ANKRD13C: variants seen among roughly 807,000 people sequenced by gnomAD.
ANKRD13C encodes ankyrin repeat domain 13C, also known as ankyrin repeat domain-containing protein 13C.
In ANKRD13C, 16 loss-of-function variants were observed where a neutral mutation model predicts 65.5. The ratio of observed to expected loss-of-function variants is 0.24; its 90% CI spans 0.17 to 0.37. The LOEUF (loss-of-function observed/expected upper bound fraction) is 0.37, where lower values mean the gene tolerates loss of function less well. Among genes scored for constraint, ANKRD13C ranks in the 10% least tolerant of loss-of-function variants. The pLI is 1.00. For missense variants in ANKRD13C, 503 were observed against 655.9 expected, an observed-to-expected ratio of 0.77 and a Z score of 2.55; for synonymous variants, 235 against 238.7, an observed-to-expected ratio of 0.98 and a Z score of 0.14.
At chr1:70,303,621 T>C (rs1680469087) in intron 6 of ANKRD13C, among the ~76,000 whole-genome samples, 1 of 152,222 alleles carries the variant, frequency 6.6e-6, no homozygotes. Context: ...ACTAAAGTAT[T>C]AGTTTCTCTT....
In ANKRD13C at chr1:70,262,568, C is replaced by T; in HGVS notation, c.*149G>A. 1.3e-6 allele frequency: 1 copy of T among 795,848 alleles called. No homozygotes were observed. The highest frequency in any genetic ancestry group is 1.8e-6 in the Non-Finnish European group (1 of 542,220). 49.3% of individuals were successfully genotyped at this position (795,848 alleles called of 1,614,324 possible). ...AACTCGCTGAAATTCTTATTAGAGG[C>T]CCATTTCACTGTATCGTATTACTGA... On this transcript the variant is annotated 3_prime_UTR_variant, in exon 13 of 13. Transcript: ENST00000370944.
In ANKRD13C at chr1:70,315,519, CA is replaced by C; in HGVS notation, c.624del (p.Glu209LysfsTer8). 6.2e-7 allele frequency: 1 copy of C among 1,608,442 alleles called. No individual in the cohort carries two copies. The highest frequency in any genetic ancestry group is 2.2e-5 in the East Asian group (1 of 44,718). On this transcript the variant is annotated frameshift_variant, in exon 4 of 13. Coordinates refer to ENST00000370944, the MANE Select transcript of ANKRD13C (RefSeq NM_030816.5). LOFTEE classifies it high-confidence loss of function. ...RKLKQQSRES[V>X]EEKRPRLLKA... is the part of the protein sequence containing the mutation. ...TTTAATAATCGAGGTCGTTTTTCTTCAACACTTTCCCTGGATTGCTGCTTAA... is the reference window on the plus strand; with the variant it reads ...TTTAATAATCGAGGTCGTTTTTCTTCACACTTTCCCTGGATTGCTGCTTAA...
intron 9 of ANKRD13C, among the ~76,000 whole-genome samples, chr1:70,286,958 C>A (rs980251853): frequency 8.6e-5 from 13 of 151,928 alleles, no homozygotes; most frequent in Admixed American, 7.9e-4. Flanking sequence ...GCACTCCAGC[C>A]TGGGGGATAG....
At chr1:70,302,934 C>A (rs1216424065) in intron 6 of ANKRD13C, among the ~76,000 whole-genome samples, 1 of 152,098 alleles carries the variant, frequency 6.6e-6, no homozygotes, top group Non-Finnish European at 1.5e-5. Context: ...CTTCTGCCTC[C>A]ATTCCCTGCT....
chr1:70,335,496 C>T (rs886780584), intron 2 of ANKRD13C, among the ~76,000 whole-genome samples: 1 of 151,606 alleles, frequency 6.6e-6, no homozygotes, highest in East Asian at 1.9e-4. Flanking sequence ...ATCTAAAATC[C>T]TCACTTTCCA....
chr1:70,335,259 A>G (rs1350667043), intron 2 of ANKRD13C, among the ~76,000 whole-genome samples: 4 of 152,016 alleles, frequency 2.6e-5, no homozygotes, highest in African/African-American at 9.6e-5. Context: ...ACAAAAAATT[A>G]GCCAGGCGTG....
At chr1:70,270,364 A>C (rs1381893638) in intron 12 of ANKRD13C, among the ~76,000 whole-genome samples, 1 of 152,248 alleles carries the variant, frequency 6.6e-6, no homozygotes, top group African/African-American at 2.4e-5. Context: ...AATATTTGAC[A>C]AAACATAAAT....
intron 1 of ANKRD13C, among the ~76,000 whole-genome samples, chr1:70,343,743 G>A (rs1466595418): frequency 1.3e-5 from 2 of 152,128 alleles, no homozygotes. Context: ...AAACTATGTT[G>A]GCCAGGCAGG....
chr1:70,329,952 T>C (rs1486028413), intron 2 of ANKRD13C, among the ~76,000 whole-genome samples: 1 of 151,220 alleles, frequency 6.6e-6, no homozygotes, highest in Non-Finnish European at 1.5e-5. Flanking sequence ...TTAGCCAGGG[T>C]GGTGGCACAC....
At chr1:70,321,439 G>C (rs550840889) in intron 3 of ANKRD13C, among the ~76,000 whole-genome samples, 1 of 152,282 alleles carries the variant, frequency 6.6e-6, no homozygotes, top group East Asian at 1.9e-4. Context: ...ATGAACTGCT[G>C]TCTCTTCCTC....
chr1:70,330,419 G>C (rs894924903), intron 2 of ANKRD13C, among the ~76,000 whole-genome samples: 1 of 151,802 alleles, frequency 6.6e-6, no homozygotes, highest in African/African-American at 2.4e-5. Flanking sequence ...TTAGCTGGAC[G>C]TGGTGGCATG....
Position 70,296,220 on chromosome 1 carries a change from C to T in ANKRD13C, c.963G>A (p.Met321Ile). 2 of 1,613,804 alleles carry T rather than the reference C, an allele frequency of 1.2e-6. No individual in the cohort carries two copies. The highest frequency in any genetic ancestry group is 1.7e-6 in the Non-Finnish European group (2 of 1,179,858). ...AAGTTGCAGAGTAAATATCACTGCT[C>T]ATTAAAATATCCACCTCTTCTTCTG... ...METEEEVDILMSSDIYSATLS... is the reference protein window; with the variant it reads ...METEEEVDILISSDIYSATLS... The change falls in exon 8 of 13, where the codon ATG becomes ATA. Residue 321 changes from methionine to isoleucine, a missense_variant. By Grantham distance (10) the Met-to-Ile change is conservative (BLOSUM62 1). Transcript: ENST00000370944.
At chr1:70,337,134 G>T (rs756578301) in intron 1 of ANKRD13C, among the ~76,000 whole-genome samples, 1 of 144,030 alleles carries the variant, frequency 6.9e-6, no homozygotes, top group South Asian at 2.2e-4. Flanking sequence ...ACAAGAGATC[G>T]GCCATGATTC....
intron 10 of ANKRD13C, 47 bp from the exon 11 acceptor site, chr1:70,274,865 A>G (rs1417090432): frequency 8.6e-7 from 1 of 1,156,862 alleles, no homozygotes; most frequent in Non-Finnish European, 1.3e-6. Context: ...TCCATAGTCT[A>G]TCACCTTCCT....
intron 2 of ANKRD13C, among the ~76,000 whole-genome samples, chr1:70,330,950 C>A (rs1340941585): frequency 6.6e-6 from 1 of 152,114 alleles, no homozygotes; most frequent in Admixed American, 6.5e-5. Context: ...TAACCTCCCA[C>A]GTGACATTAC....
chr1:70,311,239 T>A (rs951385319), intron 5 of ANKRD13C, among the ~76,000 whole-genome samples: 11 of 152,112 alleles, frequency 7.2e-5, no homozygotes, highest in Non-Finnish European at 1.6e-4. Context: ...ACGCCTGTAA[T>A]CCCTACACTT....
intron 2 of ANKRD13C, among the ~76,000 whole-genome samples, chr1:70,330,574 C>CAAAAAAAAAAAA (rs71071394): frequency 1.6e-4 from 11 of 68,362 alleles, no homozygotes; most frequent in East Asian, 4.4e-4. Flanking sequence ...ACAAACAAAC[C>CAAAAAAAAAAAA]AAAAAAAAAA....
chr1:70,268,179 C>CTG (rs1558258588), intron 12 of ANKRD13C, among the ~76,000 whole-genome samples: 10 of 151,884 alleles, frequency 6.6e-5, no homozygotes, highest in African/African-American at 2.4e-4. Context: ...CTTCCCCGCC[C>CTG]CCACCTTGAG....
At chr1:70,264,457 C>A (rs965830990) in intron 12 of ANKRD13C, among the ~76,000 whole-genome samples, 1 of 101,624 alleles carries the variant, frequency 9.8e-6, no homozygotes, top group African/African-American at 3.9e-5. Flanking sequence ...GCCTGGGGAA[C>A]AGAGCAAGAC....
Sources: gnomAD v4.1 joint callset for allele counts (sites outside exome capture counted in the v4.1 genomes callset) on GRCh38, gnomAD v4.1.1 for gene constraint, MANE v1.5 for transcripts, NCBI Gene and HGNC (gene_info 2026-07-23, HGNC 2026-07-21) for gene names.